The following MIER3 variants were observed in gnomAD, a reference collection of about 807,000 sequenced individuals.
MIER3 encodes the protein mesoderm induction early response protein 3.
In MIER3, 9 loss-of-function variants were observed where a neutral mutation model predicts 63.2. The observed-to-expected ratio is 0.14, with a 90% CI of 0.09 to 0.25. MIER3 has a LOEUF of 0.25. Among genes scored for constraint, MIER3 ranks in the 10% least tolerant of loss-of-function variants. The pLI, the probability that MIER3 is intolerant of heterozygous loss-of-function variation, is 1.00. For synonymous variants in MIER3, 205 were observed against 224.9 expected (o/e 0.91, Z 0.79); for missense variants, 512 against 666.2 (o/e 0.77, Z 2.55).
At chr5:56,940,997 A>C in intron 3 of MIER3, 1 of 985,222 alleles carries the variant, frequency 1.0e-6, no homozygotes, top group Non-Finnish European at 1.2e-6. Context: ...GGCAATTTTC[A>C]CCTTTTATGC....
intron 2 of MIER3, among the ~76,000 whole-genome samples, chr5:56,947,833 A>T (rs1750878449): frequency 6.6e-6 from 1 of 152,210 alleles, no homozygotes; most frequent in South Asian, 2.1e-4. Flanking sequence ...TTGTTTATAA[A>T]ACTATAATAT....
At position 56,933,270 on chromosome 5, in the gene MIER3, T is replaced by G; in HGVS notation, c.724A>C (p.Thr242Pro). 1 of 1,611,946 alleles carries G rather than the reference T, an allele frequency of 6.2e-7. No homozygotes were observed. The highest frequency in any genetic ancestry group is 8.5e-7 in the Non-Finnish European group (1 of 1,179,076). ...EKIMDRISAG[T>P]HTRDNEQALY... ...ACCTGTTCATTGTCCCTTGTGTGTG[T>G]TCCTGCAGAAATCCTATCCATTATT... The change falls in exon 8 of 13, where the codon ACA (threonine) becomes CCA (proline). Residue 242 changes from threonine (T) to proline (P), a missense_variant. By Grantham distance (38) the Thr-to-Pro change is conservative. Around this residue, in one of 5 missense-constraint regions of MIER3, gnomAD observed 118 missense variants for 133.6 expected, o/e 0.88. Transcript: ENST00000381199.
Position 56,937,580 on chromosome 5 carries a change from C to T in MIER3, c.434G>A (p.Arg145Gln), listed in dbSNP as rs746902112. The T allele has an allele frequency of 2.6e-5, 41 of 1,601,870 alleles. No individual in the cohort carries two copies. Among genetic ancestry groups the T allele is most frequent in the Non-Finnish European group, 3.2e-5 (38 of 1,173,654 alleles). Reference sequence around the variant, plus strand: ...CAGTAATCCACTGGGTTTCTTACATCGTAAAGGCCTAGGGAAGAAATCAGA... The same window carrying T: ...CAGTAATCCACTGGGTTTCTTACATTGTAAAGGCCTAGGGAAGAAATCAGA... ...ETSDFFPRPL[R>Q]SNTACDGDKE... is the part of the protein sequence containing the mutation. The change falls in exon 5 of 13, where the codon CGA becomes CAA. Residue 145 changes from arginine to glutamine, a missense_variant and splice_region_variant. By Grantham distance (43) the Arg-to-Gln change is conservative. Transcript: ENST00000381199.
intron 7 of MIER3, among the ~76,000 whole-genome samples, chr5:56,934,912 T>C (rs1046241599): frequency 1.1e-4 from 17 of 152,196 alleles, no homozygotes; most frequent in African/African-American, 2.9e-4. Flanking sequence ...CCAACTACAG[T>C]TGGAATGCAC....
Position 56,937,585 on chromosome 5 carries a change from A to C in MIER3, c.429T>G (p.Pro143=). ...ATCCACTGGGTTTCTTACATCGTAA[A>C]GGCCTAGGGAAGAAATCAGAAGTTT... ...SHETSDFFPR[P]LRSNTACDGD... Residue 143 remains proline, a synonymous_variant, in exon 5 of 13, where the codon CCT becomes CCG. Transcript: ENST00000381199. The C allele has an allele frequency of 6.2e-7, 1 of 1,605,614 alleles. No homozygotes were observed.
intron 4 of MIER3, 94 bp downstream of exon 4, chr5:56,938,767 CACAATGGGTCAACAAGAAGTTT>C (rs1214765672): frequency 7.3e-7 from 1 of 1,361,804 alleles, no homozygotes; most frequent in African/African-American, 1.5e-5. Context: ...CCAAAATAAG[CACAATGGGTCAACAAGAAGTTT>C]ACATTTAAGA....
chr5:56,926,418 A>G (rs374543625), intron 10 of MIER3, among the ~76,000 whole-genome samples: 4 of 152,094 alleles, frequency 2.6e-5, no homozygotes, highest in South Asian at 2.1e-4. Flanking sequence ...ACCCAATTAA[A>G]ATCTGGGCAA....
At chr5:56,925,243 T>C in intron 10 of MIER3, 1 of 387,054 alleles carries the variant, frequency 2.6e-6, no homozygotes, top group South Asian at 2.0e-5. Context: ...ACATCAATAC[T>C]GGAAGGTCTA....
At position 56,923,566 on chromosome 5, in the gene MIER3, T is replaced by G. The variant is rs1202644248; in HGVS notation, c.1215A>C (p.Ala405=). 6.2e-7 allele frequency: 1 copy of G among 1,613,400 alleles called. No individual in the cohort carries two copies. Among genetic ancestry groups the G allele is most frequent in the East Asian group, 2.2e-5 (1 of 44,876 alleles). Residue 405 remains alanine (A), a synonymous_variant, in exon 13 of 13, where the codon GCA becomes GCC. Coordinates refer to ENST00000381199, the MANE Select transcript of MIER3 (RefSeq NM_001297599.2). ...SDLTALTNSV[A]TVCDPTDVNC... is the part of the protein sequence containing the mutation. ...TCACATCTGTGGGGTCGCAGACGGT[T>G]GCTACACTGTTGGTCAAAGCTAAAA... is the stretch of plus-strand genomic sequence containing the variant.
chr5:56,950,679 G>A (rs1297007193), intron 1 of MIER3, 27 bp from the exon 2 acceptor site: 2 of 1,612,424 alleles, frequency 1.2e-6, no homozygotes, highest in South Asian at 1.1e-5. Context: ...AAAACGTGAG[G>A]TTAGATCGCA....
rs143376968 is a variant in MIER3 at position 56,950,763 on chromosome 5, A to G, written c.10-111T>C. ...GTCGAGCGCTCCTCCGCAGCTGCCAAAAGTGCAAGACGTAGCTTCACTCGA... is the reference window on the plus strand; with the variant it reads ...GTCGAGCGCTCCTCCGCAGCTGCCAGAAGTGCAAGACGTAGCTTCACTCGA... On this transcript the variant is annotated intron_variant, in intron 1 of 12. Transcript: ENST00000381199. 37 of 1,230,468 alleles carry G rather than the reference A, an allele frequency of 3.0e-5. No homozygotes were observed. The East Asian group carries it at 6.2e-4, about 21-fold the overall frequency. The allele number at this position is 1,230,468 out of a possible 1,614,324, so 76.2% of individuals were successfully genotyped here.
chr5:56,929,883 C>T (rs1228356454), intron 9 of MIER3, among the ~76,000 whole-genome samples: 1 of 152,094 alleles, frequency 6.6e-6, no homozygotes, highest in Non-Finnish European at 1.5e-5. Flanking sequence ...TCCCCAAAGC[C>T]ATTAATAGCA....
intron 3 of MIER3, among the ~76,000 whole-genome samples, chr5:56,943,697 C>A (rs1022119085): frequency 6.6e-6 from 1 of 152,190 alleles, no homozygotes; most frequent in Non-Finnish European, 1.5e-5. Flanking sequence ...CACAAATGAA[C>A]TCTCTTTGAG....
At chr5:56,936,139 C>T (rs945235758) in intron 5 of MIER3, among the ~76,000 whole-genome samples, 1 of 151,940 alleles carries the variant, frequency 6.6e-6, no homozygotes, top group African/African-American at 2.4e-5. Flanking sequence ...ATCGCCTGAA[C>T]CTGGGAGGCA....
Position 56,920,605 on chromosome 5 carries a change from T to A in MIER3, c.*2523A>T, listed in dbSNP as rs754667620. 2 of 152,444 alleles carry A rather than the reference T, an allele frequency of 1.3e-5. No individual in the cohort carries two copies. Among genetic ancestry groups the A allele is most frequent in the Non-Finnish European group, 2.9e-5 (2 of 67,950 alleles). The allele number at this position is 152,444 out of a possible 1,614,324, so 9.4% of individuals were successfully genotyped here. ...TAATAAACAGTAACAAATTCTCTGT[T>A]AAGATGTTTAAACTGAGAGAAAAAA... is the stretch of plus-strand genomic sequence containing the variant. On this transcript the variant is annotated 3_prime_UTR_variant, in exon 13 of 13. Transcript: ENST00000381199.
At chr5:56,950,209 C>CGT (rs1561248805) in intron 2 of MIER3, among the ~76,000 whole-genome samples, 1 of 152,070 alleles carries the variant, frequency 6.6e-6, no homozygotes, top group African/African-American at 2.4e-5. Flanking sequence ...AAAGAAACAA[C>CGT]GTAAGAGGAG....
chr5:56,947,298 G>C, intron 2 of MIER3: 1 of 420,510 alleles, frequency 2.4e-6, no homozygotes, highest in Non-Finnish European at 4.1e-6. Context: ...TTTTATAAGG[G>C]GTTTAGTCCA....
intron 10 of MIER3, among the ~76,000 whole-genome samples, chr5:56,924,278 G>A (rs1749848490): frequency 6.6e-6 from 1 of 151,862 alleles, no homozygotes; most frequent in African/African-American, 2.4e-5. Flanking sequence ...AAATCAGAAT[G>A]TATTAGTTTA....
chr5:56,938,758 C>T (rs1249696761), intron 4 of MIER3, 125 bp downstream of exon 4: 4 of 1,301,130 alleles, frequency 3.1e-6, no homozygotes, highest in Non-Finnish European at 4.2e-6. Flanking sequence ...AATCAGCCAC[C>T]AAAATAAGCA....
Sources: allele counts gnomAD v4.1 joint callset (sites outside exome capture counted in the v4.1 genomes callset), GRCh38; gene constraint gnomAD v4.1.1; regional missense constraint gnomAD v4.1.1; transcripts MANE v1.5; gene names NCBI Gene and HGNC (gene_info 2026-07-23, HGNC 2026-07-21).